VWA5B1: variants seen among roughly 807,000 people sequenced by gnomAD.
VWA5B1 encodes von Willebrand factor A domain-containing protein 5B1.
Under a neutral mutation model 118.2 loss-of-function variants are expected in VWA5B1, and 115 were observed. The ratio of observed to expected loss-of-function variants is 0.97; its 90% CI spans 0.84 to 1.14. The LOEUF is 1.14. Among genes scored for constraint, VWA5B1 ranks in the 50% most tolerant of loss-of-function variants. VWA5B1 has a pLI of 0.00. For missense variants in VWA5B1, 1,596 were observed against 1,603.8 expected (o/e 1.00, Z 0.08); for synonymous variants, 682 against 658.4 (o/e 1.04, Z -0.55).
At chr1:20,304,419 G>A in intron 1 of VWA5B1, among the ~76,000 whole-genome samples, 1 of 152,192 alleles carries the variant, frequency 6.6e-6, no homozygotes, top group East Asian at 1.9e-4. Context: ...AGGCAAGCAT[G>A]TAGAACGTGG....
chr1:20,354,055 C>A lies in VWA5B1; in HGVS notation c.3440C>A (p.Ala1147Glu). ...CTGTGGGCCACGGTGGTGGGGCTGG[C>A]ATGGCTGGAGCACAGTTCGGCCTCC... ...GKLWATVVGL[A>E]WLEHSSASYF... Residue 1147 changes from alanine (A) to glutamate (E), a missense_variant, in exon 22 of 22, where the codon GCA (alanine) becomes GAA (glutamate). By Grantham distance (107) the Ala-to-Glu change is moderately radical (BLOSUM62 -1). Transcript: ENST00000289815. 6.4e-7 allele frequency: 1 copy of A among 1,551,626 alleles called. No homozygotes were observed. The highest frequency in any genetic ancestry group is 8.7e-7 in the Non-Finnish European group (1 of 1,147,002).
chr1:20,294,952 G>A (rs1417488247), intron 1 of VWA5B1, among the ~76,000 whole-genome samples: 1 of 152,206 alleles, frequency 6.6e-6, no homozygotes, highest in African/African-American at 2.4e-5. Flanking sequence ...AGAGCTCAAA[G>A]AGCTAGCTAT....
intron 9 of VWA5B1, among the ~76,000 whole-genome samples, chr1:20,329,287 CTTTTTTTTTTTTTTTT>C (rs10578067): frequency 2.2e-5 from 2 of 89,216 alleles, no homozygotes; most frequent in African/African-American, 5.0e-5. Flanking sequence ...TTTCTTTTCC[CTTTTTTTTTTTTTTTT>C]TTTTTTTTTT....
intron 8 of VWA5B1, among the ~76,000 whole-genome samples, chr1:20,326,995 G>T (rs1037836061): frequency 9.9e-5 from 15 of 152,052 alleles, no homozygotes; most frequent in Admixed American, 8.5e-4. Context: ...TCATTGCATT[G>T]TATCATAACC....
Position 20,354,118 on chromosome 1 carries a change from A to T in VWA5B1, c.3503A>T (p.Asn1168Ile). Reference sequence around the variant, plus strand: ...TGGGAGTTGGTGGCTGCCAAGGCCAACTCATGGCTGGAGCAGCAGGAAGTA... The same window carrying T: ...TGGGAGTTGGTGGCTGCCAAGGCCATCTCATGGCTGGAGCAGCAGGAAGTA... ...TEWELVAAKA[N>I]SWLEQQEVPE... The change falls in exon 22 of 22, where the codon AAC becomes ATC. Residue 1168 changes from asparagine (N) to isoleucine (I), a missense_variant. Physicochemically the swap from Asn to Ile is moderately radical, Grantham distance 149 (BLOSUM62 -3). Transcript: ENST00000289815. 6.4e-7 allele frequency: 1 copy of T among 1,551,502 alleles called. No individual in the cohort carries two copies. Among genetic ancestry groups the T allele is most frequent in the Non-Finnish European group, 8.7e-7 (1 of 1,146,980 alleles).
chr1:20,321,678 C>T (rs75618600), intron 7 of VWA5B1, among the ~76,000 whole-genome samples: 8,922 of 151,326 alleles, frequency 0.059, 342 homozygotes, highest in Admixed American at 0.089. Flanking sequence ...GTTCTTTAGC[C>T]GGGCGTCAGC....
chr1:20,328,451 A>G (rs1050710533), intron 9 of VWA5B1, among the ~76,000 whole-genome samples: 4 of 152,096 alleles, frequency 2.6e-5, no homozygotes, highest in African/African-American at 4.8e-5. Context: ...AAGGCTCAAG[A>G]TACTGTGTGA....
intron 11 of VWA5B1, among the ~76,000 whole-genome samples, chr1:20,332,163 C>A (rs573940558): frequency 1.3e-5 from 2 of 152,266 alleles, no homozygotes; most frequent in East Asian, 3.9e-4. Flanking sequence ...CTACTTTGAG[C>A]CTCAGATTTT....
chr1:20,357,078 A>G lies in VWA5B1; in HGVS notation c.*2815A>G, dbSNP rs1391722413. Among the ~76,000 whole-genome samples the G allele has an allele frequency of 3.3e-5, 5 of 152,184 alleles. No homozygotes were observed. The highest frequency in any genetic ancestry group is 1.5e-5 in the Non-Finnish European group (1 of 68,038). On this transcript the variant is annotated 3_prime_UTR_variant, in exon 22 of 22. Coordinates refer to ENST00000289815, the MANE Select transcript of VWA5B1 (RefSeq NM_001039500.3). Reference sequence around the variant, plus strand: ...CCAGCCCTTGCTTTCTAGGTCATACAAAGGAATATTTATGCCCTGCACTGT... The same window carrying G: ...CCAGCCCTTGCTTTCTAGGTCATACGAAGGAATATTTATGCCCTGCACTGT...
chr1:20,317,659 G>C lies in VWA5B1; in HGVS notation c.693G>C (p.Gly231=). ...YEFNFQLEIR[G]PCLLAGVESP... is the part of the protein sequence containing the mutation. ...TCAACTTCCAGCTGGAGATCCGTGG[G>C]CCATGTCTGCTCGCAGGTGAGAGGG... Residue 231 remains glycine, a synonymous_variant, in exon 5 of 22, where the codon GGG becomes GGC. Coordinates refer to ENST00000289815, the MANE Select transcript of VWA5B1 (RefSeq NM_001039500.3). 6.4e-7 allele frequency: 1 copy of C among 1,551,470 alleles called. No individual in the cohort carries two copies. The highest frequency in any genetic ancestry group is 8.7e-7 in the Non-Finnish European group (1 of 1,146,802).
intron 1 of VWA5B1, among the ~76,000 whole-genome samples, chr1:20,295,915 T>C (rs2088397952): frequency 6.6e-6 from 1 of 152,146 alleles, no homozygotes; most frequent in African/African-American, 2.4e-5. Flanking sequence ...CAGGCTGGAG[T>C]GCAATGGTGC....
chr1:20,290,985 C>T lies in VWA5B1; in HGVS notation c.-130C>T, dbSNP rs1292005094. 1 of 152,268 alleles carries T rather than the reference C, an allele frequency of 6.6e-6. No homozygotes were observed. The highest frequency in any genetic ancestry group is 1.5e-5 in the Non-Finnish European group (1 of 68,066). 9.4% of individuals were successfully genotyped at this position (152,268 alleles called of 1,614,324 possible). On this transcript the variant is annotated 5_prime_UTR_variant, in exon 1 of 22. Coordinates refer to ENST00000289815, the MANE Select transcript of VWA5B1 (RefSeq NM_001039500.3). ...GGGCGCAGGGCTTGGGCACTGGAGC[C>T]CAGCCCCGGACCGCACCTCCAGCAG...
intron 4 of VWA5B1, among the ~76,000 whole-genome samples, chr1:20,314,925 G>C (rs181805569): frequency 6.6e-6 from 1 of 152,198 alleles, no homozygotes; most frequent in East Asian, 1.9e-4. Context: ...CTGGTTGTTA[G>C]GGATAGAGAA....
chr1:20,325,301 C>G (rs1215100210), intron 8 of VWA5B1, among the ~76,000 whole-genome samples: 1 of 152,232 alleles, frequency 6.6e-6, no homozygotes, highest in Non-Finnish European at 1.5e-5. Flanking sequence ...ATTCCAGGGT[C>G]AATTCTGCCA....
chr1:20,306,211 G>A (rs2088648155), intron 1 of VWA5B1, among the ~76,000 whole-genome samples: 1 of 152,140 alleles, frequency 6.6e-6, no homozygotes, highest in Non-Finnish European at 1.5e-5. Flanking sequence ...GGCCCTTCCT[G>A]AGAAGGTGCC....
At chr1:20,291,359 T>TTCTC (rs67596546) in intron 1 of VWA5B1, among the ~76,000 whole-genome samples, 25,083 of 103,112 alleles carry the variant, frequency 0.24, 2,740 homozygotes, top group East Asian at 0.46. Context: ...CTTTCTTTCT[T>TTCTC]TCTCTCTCTC....
At chr1:20,332,546 A>AAAT (rs1220141475) in intron 11 of VWA5B1, among the ~76,000 whole-genome samples, 3 of 147,664 alleles carry the variant, frequency 2.0e-5, no homozygotes, top group African/African-American at 5.2e-5. Flanking sequence ...AAATAAAATA[A>AAAT]AATGCTAAGC....
chr1:20,330,838 C>T, intron 10 of VWA5B1, 31 bp from the exon 11 acceptor site: 1 of 1,530,026 alleles, frequency 6.5e-7, no homozygotes, highest in Non-Finnish European at 8.9e-7. Context: ...GAGGATAAGA[C>T]ATAGCAGCCT....
chr1:20,344,909 C>T (rs1461979289), intron 16 of VWA5B1, among the ~76,000 whole-genome samples: 1 of 152,180 alleles, frequency 6.6e-6, no homozygotes, highest in Non-Finnish European at 1.5e-5. Context: ...AGACTGCTCA[C>T]CTGTTCAAAG....
Sources: gnomAD v4.1 joint callset for allele counts (sites outside exome capture counted in the v4.1 genomes callset) on GRCh38, gnomAD v4.1.1 for gene constraint, MANE v1.5 for transcripts, NCBI Gene and HGNC (gene_info 2026-07-23, HGNC 2026-07-21) for gene names.